Variants in PML observed in about 807,000 individuals in gnomAD.
PML encodes protein PML.
PML carries 28 observed loss-of-function variants against 65.2 expected under a neutral mutation model. That is an observed-to-expected ratio of 0.43 (90% CI 0.32 to 0.59). The LOEUF is 0.59. Ranked by LOEUF, PML falls within the 20% of genes least tolerant of loss-of-function variation. The pLI, the probability that PML is intolerant of heterozygous loss-of-function variation, is 0.08. For missense variants in PML, 1,021 were observed against 1,203.4 expected (o/e 0.85, Z 2.24); for synonymous variants, 500 against 508.8 (o/e 0.98, Z 0.23).
rs143304725 is a variant in PML, at chr15:74,043,477, A to AT, written c.1861+339dup. On this transcript the variant is annotated intron_variant, in intron 8 of 8. Coordinates refer to ENST00000268058, the MANE Select transcript of PML (RefSeq NM_033238.3). This position sits in a 1 kb window ranked among gnomAD's most constrained non-coding sequence, Gnocchi z 4.3. The stretch of plus-strand genomic sequence containing the variant: ...TGAGCTCATTGCCGTGAGCCCTGTC[A>AT]TCCAAGTAAGGCCTCTGGCTGTGCT... 8,623 of 1,107,042 alleles carry AT rather than the reference A, an allele frequency of 7.8e-3. 34 individuals carry two copies. Among genetic ancestry groups the AT allele is most frequent in the Non-Finnish European group, 9.2e-3 (7,603 of 829,092 alleles). The allele number at this position is 1,107,042 out of a possible 1,614,324, so 68.6% of individuals were successfully genotyped here.
At chr15:74,013,862 C>T (rs938644038) in intron 2 of PML, among the ~76,000 whole-genome samples, 3 of 152,148 alleles carry the variant, frequency 2.0e-5, no homozygotes, top group Admixed American at 2.0e-4. Flanking sequence ...CAACATTTAC[C>T]GGCATGTAAA....
rs561752088 is a variant in PML, at chr15:74,043,164, A to G, written c.1861+25A>G. On this transcript the variant is annotated intron_variant, in intron 8 of 8. Transcript: ENST00000268058. This position sits in a 1 kb window ranked among gnomAD's most constrained non-coding sequence, Gnocchi z 4.3. The stretch of plus-strand genomic sequence containing the variant: ...AGTGGGTTCTCCTGGGGCTACCCCC[A>G]CCCCTTTCTAATTTAGTCTCTGAGT... The G allele has an allele frequency of 1.9e-6, 3 of 1,613,688 alleles. No individual in the cohort carries two copies. The African/African-American group carries it at 4.0e-5, about 22-fold the overall frequency.
At chr15:74,027,048 G>A (rs774750392) in intron 4 of PML, 2 of 152,060 alleles carry the variant, frequency 1.3e-5, no homozygotes, top group South Asian at 4.1e-4. Context: ...GTTTCACAAA[G>A]GTAGGATAAT....
rs1186358040 is a variant in PML at position 74,045,056 on chromosome 15, G to A, written c.*48G>A. 6.6e-7 allele frequency: 1 copy of A among 1,505,244 alleles called. No homozygotes were observed. The highest frequency in any genetic ancestry group is 8.9e-7 in the Non-Finnish European group (1 of 1,118,608). 93.2% of individuals were successfully genotyped at this position (1,505,244 alleles called of 1,614,324 possible). A position where few individuals can be genotyped will look rare whatever the true frequency, so the allele number is the denominator to read the frequency against. Reference sequence around the variant, plus strand: ...AGTCTCTGGTGGGCAGAGAGGGATGGGGTCCCTGAGCCAGGCCCCACCCAT... The same window carrying A: ...AGTCTCTGGTGGGCAGAGAGGGATGAGGTCCCTGAGCCAGGCCCCACCCAT... On this transcript the variant is annotated 3_prime_UTR_variant, in exon 9 of 9. Coordinates refer to ENST00000268058, the MANE Select transcript of PML (RefSeq NM_033238.3).
Position 74,022,974 on chromosome 15 carries a change from AG to A in PML, c.751del (p.Asp251IlefsTer28). The stretch of plus-strand genomic sequence containing the variant: ...GCCATGACGCAGGCGCTGCAGGAGC[AG>A]GATAGTGCCTTTGGCGCGGTTCACG... ...LDAMTQALQE[Q>X]DSAFGAVHAQ... On this transcript the variant is annotated frameshift_variant, in exon 3 of 9. Transcript: ENST00000268058. LOFTEE classifies it high-confidence loss of function. 1 of 1,610,606 alleles carries A rather than the reference AG, an allele frequency of 6.2e-7. No homozygotes were observed. Among genetic ancestry groups the A allele is most frequent in the Non-Finnish European group, 8.5e-7 (1 of 1,178,878 alleles).
intron 7 of PML, 43 bp downstream of exon 7, chr15:74,034,573 C>T (rs1187724212): frequency 1.9e-6 from 3 of 1,614,212 alleles, no homozygotes; most frequent in South Asian, 1.1e-5. Flanking sequence ...TGCCTCCCCC[C>T]ATTTCAGGTC....
chr15:73,997,770 C>A (rs761301486), intron 1 of PML, among the ~76,000 whole-genome samples: 54 of 152,290 alleles, frequency 3.5e-4, no homozygotes, highest in Admixed American at 9.8e-4. Flanking sequence ...TATCTCAGAG[C>A]CTATTACTGT....
chr15:74,015,281 G>T (rs1263686109), intron 2 of PML, among the ~76,000 whole-genome samples: 1 of 152,154 alleles, frequency 6.6e-6, no homozygotes, highest in African/African-American at 2.4e-5. Flanking sequence ...TTTCAATGGT[G>T]AGATAGCAGG....
intron 2 of PML, among the ~76,000 whole-genome samples, chr15:74,000,329 G>A (rs994136945): frequency 1.3e-5 from 2 of 151,390 alleles, no homozygotes; most frequent in African/African-American, 2.4e-5. Context: ...TTTTTGAGAC[G>A]GGGTCTTGCT....
At chr15:74,029,246 C>CACT (rs1189449439) in intron 4 of PML, among the ~76,000 whole-genome samples, 1 of 151,740 alleles carries the variant, frequency 6.6e-6, no homozygotes, top group East Asian at 1.9e-4. Flanking sequence ...CTTTTTTGAC[C>CACT]ACTATCCTCT....
At chr15:74,000,462 C>T (rs956655100) in intron 2 of PML, among the ~76,000 whole-genome samples, 16 of 152,084 alleles carry the variant, frequency 1.1e-4, no homozygotes, top group African/African-American at 3.6e-4. Flanking sequence ...TGCACCACCA[C>T]ACTCAGCTAA....
At chr15:74,031,142 TC>T in intron 4 of PML, 1 of 315,528 alleles carries the variant, frequency 3.2e-6, no homozygotes, top group South Asian at 2.9e-5. Context: ...CAGTCCCATT[TC>T]CCCCTCCCCC....
intron 2 of PML, among the ~76,000 whole-genome samples, chr15:74,022,375 C>T (rs1002147134): frequency 1.3e-5 from 2 of 152,182 alleles, no homozygotes; most frequent in South Asian, 2.1e-4. Flanking sequence ...AACGACAATT[C>T]TCACTCAAGG....
intron 6 of PML, 115 bp downstream of exon 6, chr15:74,033,529 T>C (rs1215904562): frequency 2.8e-6 from 3 of 1,084,592 alleles, no homozygotes; most frequent in Non-Finnish European, 4.2e-6. Flanking sequence ...AGTCCCTTAT[T>C]CCCACTGAAT....
Position 73,994,720 on chromosome 15 carries a change from C to A in PML, c.-93C>A. 1 of 1,379,702 alleles carries A rather than the reference C, an allele frequency of 7.2e-7. No individual in the cohort carries two copies. Among genetic ancestry groups the A allele is most frequent in the Non-Finnish European group, 1.0e-6 (1 of 992,284 alleles). The allele number at this position is 1,379,702 out of a possible 1,614,324, so 85.5% of individuals were successfully genotyped here. A position where few individuals can be genotyped will look rare whatever the true frequency, so the allele number is the denominator to read the frequency against. On this transcript the variant is annotated 5_prime_UTR_variant, in exon 1 of 9. Coordinates refer to ENST00000268058, the MANE Select transcript of PML (RefSeq NM_033238.3). Reference sequence around the variant, plus strand: ...CCGGCACCTCCCCTTTCGGACAGCTCAAGGGACTCAGCCAACTGGCTCACG... The same window carrying A: ...CCGGCACCTCCCCTTTCGGACAGCTAAAGGGACTCAGCCAACTGGCTCACG...
chr15:74,022,818 G>A lies in PML; in HGVS notation c.603-10G>A. On this transcript the variant is annotated splice_polypyrimidine_tract_variant and intron_variant, in intron 2 of 8. Coordinates refer to ENST00000268058, the MANE Select transcript of PML (RefSeq NM_033238.3). ...GAGTCCTAACCCAGGCCAACCTTGT[G>A]TGTCCACAGCATCTACTGCCGAGGA... The A allele has an allele frequency of 2.5e-6, 4 of 1,612,894 alleles. No individual in the cohort carries two copies. Among genetic ancestry groups the A allele is most frequent in the Non-Finnish European group, 2.5e-6 (3 of 1,179,170 alleles).
At position 74,045,466 on chromosome 15, in the gene PML, A is replaced by G. The variant is rs1046117135; in HGVS notation, c.*458A>G. On this transcript the variant is annotated 3_prime_UTR_variant, in exon 9 of 9. Coordinates refer to ENST00000268058, the MANE Select transcript of PML (RefSeq NM_033238.3). ...GCTACAGCCCTGGCAGCCCATGGCA[A>G]CTCAAAGTGCCTTCCAAACCAAACT... is the stretch of plus-strand genomic sequence containing the variant. 12 of 244,094 alleles carry G rather than the reference A, an allele frequency of 4.9e-5. No homozygotes were observed. The highest frequency in any genetic ancestry group is 1.0e-4 in the Admixed American group (2 of 19,138). 15.1% of individuals were successfully genotyped at this position (244,094 alleles called of 1,614,324 possible).
At chr15:74,041,813 G>A (rs925559162) in intron 7 of PML, among the ~76,000 whole-genome samples, 1 of 152,240 alleles carries the variant, frequency 6.6e-6, no homozygotes, top group South Asian at 2.1e-4. Context: ...CCAGAGGCCA[G>A]AATTAACTGA....
At chr15:74,028,176 G>GA (rs1173685851) in intron 4 of PML, 3 of 151,884 alleles carry the variant, frequency 2.0e-5, no homozygotes, top group Non-Finnish European at 4.4e-5. Flanking sequence ...TACTTTAATG[G>GA]AAAAAAATAA....
Sources: allele counts gnomAD v4.1 joint callset (sites outside exome capture counted in the v4.1 genomes callset), GRCh38; gene constraint gnomAD v4.1.1; non-coding constraint Gnocchi (gnomAD v3.1); transcripts MANE v1.5; gene names NCBI Gene and HGNC (gene_info 2026-07-23, HGNC 2026-07-21).